ZNF445: variants seen among roughly 807,000 people sequenced by gnomAD.
The protein encoded by ZNF445 is zinc finger protein 168.
Under a neutral mutation model 93.9 loss-of-function variants are expected in ZNF445, and 19 were observed. That is an observed-to-expected ratio of 0.20 (90% confidence interval 0.14 to 0.30). The LOEUF (loss-of-function observed/expected upper bound fraction) is 0.30, where lower values mean the gene tolerates loss of function less well. ZNF445 is among the 10% of genes least tolerant of loss of function. The pLI is 1.00. For missense variants in ZNF445, 1,058 were observed against 1,259.4 expected, an observed-to-expected ratio of 0.84 and a Z score of 2.42; for synonymous variants, 449 against 446.3, an observed-to-expected ratio of 1.01 and a Z score of -0.08.
At chr3:44,473,674 T>TG (rs1698304514) in intron 1 of ZNF445, among the ~76,000 whole-genome samples, 1 of 147,862 alleles carries the variant, frequency 6.8e-6, no homozygotes, top group South Asian at 2.1e-4. Flanking sequence ...GATGCCAGGC[T>TG]GGGGAGGGAA....
chr3:44,470,308 G>A (rs1698250243), intron 1 of ZNF445, among the ~76,000 whole-genome samples: 1 of 152,186 alleles, frequency 6.6e-6, no homozygotes, highest in African/African-American at 2.4e-5. Context: ...TATGTGCTAA[G>A]TTTGAAAGCA....
chr3:44,450,767 G>A (rs1411978540), intron 5 of ZNF445, 101 bp downstream of exon 5: 30 of 1,292,110 alleles, frequency 2.3e-5, no homozygotes, highest in Non-Finnish European at 2.9e-5. Context: ...GTCTTTGGAT[G>A]TGAGATTACT....
rs1183720190 is a variant in ZNF445 at position 44,447,259 on chromosome 3, A to G, written c.2412T>C (p.Asn804=). ...ECGKAFRWSS[N]LYRHQRIHSL... is the part of the protein sequence containing the mutation. ...AGTGAATCCTCTGATGTCGGTAGAG[A>G]TTGGAACTCCATCTGAAGGCTTTCC... is the stretch of plus-strand genomic sequence containing the variant. The change falls in exon 8 of 8, where the codon AAT becomes AAC. Residue 804 remains asparagine, a synonymous_variant. Transcript: ENST00000396077. This position sits in a 1 kb window ranked among gnomAD's most constrained non-coding sequence, Gnocchi z 4.7. 2.5e-6 allele frequency: 4 copies of G among 1,614,046 alleles called. No individual in the cohort carries two copies. In the East Asian group the frequency reaches 8.9e-5, roughly 36 times the overall value.
rs1332169776 is a variant in ZNF445, at chr3:44,441,918, AAAC to A, written c.*4654_*4656del. 1 of 152,210 alleles carries A rather than the reference AAAC, an allele frequency of 6.6e-6. No individual in the cohort carries two copies. Among genetic ancestry groups the A allele is most frequent in the Non-Finnish European group, 1.5e-5 (1 of 68,042 alleles). The allele number at this position is 152,210 out of a possible 1,614,324, so 9.4% of individuals were successfully genotyped here. A position where few individuals can be genotyped will look rare whatever the true frequency, so the allele number is the denominator to read the frequency against. On this transcript the variant is annotated 3_prime_UTR_variant, in exon 8 of 8. Transcript: ENST00000396077. Reference sequence around the variant, plus strand: ...TCCACAGAAAATAGATTACTGTGCAAAACAATAACACTTTCTATATGTCCACAA... The same window carrying A: ...TCCACAGAAAATAGATTACTGTGCAAAATAACACTTTCTATATGTCCACAA...
rs1426874233 is a variant in ZNF445, at chr3:44,443,336, T to C, written c.*3239A>G. 3 of 152,356 alleles carry C rather than the reference T, an allele frequency of 2.0e-5. No homozygotes were observed. Among genetic ancestry groups the C allele is most frequent in the South Asian group, 2.1e-4 (1 of 4,830 alleles). The allele number at this position is 152,356 out of a possible 1,614,324, so 9.4% of individuals were successfully genotyped here. On this transcript the variant is annotated 3_prime_UTR_variant, in exon 8 of 8. Coordinates refer to ENST00000396077, the MANE Select transcript of ZNF445 (RefSeq NM_181489.6). The stretch of plus-strand genomic sequence containing the variant: ...AATATTTATATAATTATAGTACTTA[T>C]AGAACTAAAATTATTTGAAAACTCA...
chr3:44,451,397 G>A lies in ZNF445; in HGVS notation c.515C>T (p.Pro172Leu), dbSNP rs553770652. 6.2e-6 allele frequency: 10 copies of A among 1,614,194 alleles called. No individual in the cohort carries two copies. Among genetic ancestry groups the A allele is most frequent in the African/African-American group, 4.0e-5 (3 of 75,056 alleles). The stretch of plus-strand genomic sequence containing the variant: ...CCCCAGAGCAGAGCTGCTCCTGAGA[G>A]GTGAAGCAAGGGACCATATCTGTGC... Reference protein sequence around the residue: ...RSAQIWSLASPLRSSSALGDH... With the variant: ...RSAQIWSLASLLRSSSALGDH... Residue 172 changes from proline (P) to leucine (L), a missense_variant, in exon 4 of 8, where the codon CCT becomes CTT. Transcript: ENST00000396077.
rs139311917 is a variant in ZNF445, at chr3:44,448,652, C to A, written c.1019G>T (p.Cys340Phe). 422 of 1,614,210 alleles carry A rather than the reference C, an allele frequency of 2.6e-4. 1 individual carries two copies. The East Asian group carries it at 9.3e-3, about 36-fold the overall frequency. The part of the protein sequence containing the change: ...EAETLAVSSG[C>F]PATSVSEGIG... ...TCCCTCAGAAACACTTGTCGCAGGA[C>A]ATCCTGATGACACAGCTAAGGTTTC... The change falls in exon 8 of 8, where the codon TGT becomes TTT. Residue 340 changes from cysteine (C) to phenylalanine (F), a missense_variant. Cys to Phe is a radical substitution (Grantham distance 205). Around this residue, in one of 3 missense-constraint regions of ZNF445, gnomAD observed 657 missense variants for 746.4 expected, o/e 0.88. Transcript: ENST00000396077.
rs201341353 is a variant in ZNF445, at chr3:44,450,606, C to T, written c.694-33G>A. On this transcript the variant is annotated intron_variant, in intron 5 of 7. Transcript: ENST00000396077. ...AACACTGTGCCCTAGAGCTGGTCCA[C>T]AGCTCCCAGCTTTGAGGTGGAAAGG... 23 of 1,602,722 alleles carry T rather than the reference C, an allele frequency of 1.4e-5. No homozygotes were observed. In the African/African-American group the frequency reaches 2.5e-4, roughly 18 times the overall value.
Position 44,446,007 on chromosome 3 carries a change from T to G in ZNF445, c.*568A>C. On this transcript the variant is annotated 3_prime_UTR_variant, in exon 8 of 8. Transcript: ENST00000396077. The surrounding 1 kb of genome is among the most constrained non-coding windows in gnomAD (Gnocchi z 4.2). ...CAAGCGCTTGAGCCCAGCATCCTGC[T>G]CTCCTCCACCTGCCGCTGAGACCAC... 6.4e-6 allele frequency: 1 copy of G among 156,948 alleles called. No individual in the cohort carries two copies. The highest frequency in any genetic ancestry group is 1.4e-5 in the Non-Finnish European group (1 of 71,548). The allele number at this position is 156,948 out of a possible 1,614,324, so 9.7% of individuals were successfully genotyped here.
chr3:44,452,916 C>CTT lies in ZNF445; in HGVS notation c.430-1436_430-1435dup, dbSNP rs60163197. Among the ~76,000 whole-genome samples the CTT allele has an allele frequency of 3.3e-3, 443 of 134,304 alleles. 5 individuals carry two copies. Among genetic ancestry groups the CTT allele is most frequent in the South Asian group, 9.8e-3 (42 of 4,266 alleles). 88.1% of individuals were successfully genotyped at this position (134,304 alleles called of 152,430 possible). A position where few individuals can be genotyped will look rare whatever the true frequency, so the allele number is the denominator to read the frequency against. On this transcript the variant is annotated intron_variant, in intron 3 of 7. Coordinates refer to ENST00000396077, the MANE Select transcript of ZNF445 (RefSeq NM_181489.6). ...AGTATGTCAAATTTGTTTCAGAAAT[C>CTT]TTTTTTTTTTTTTTTTCGGACATAG... is the stretch of plus-strand genomic sequence containing the variant.
In ZNF445 at chr3:44,434,408, A is replaced by G. The variant is rs1348342451; in HGVS notation, c.*12167T>C. 6.8e-6 allele frequency: 1 copy of G among 147,766 alleles called. No individual in the cohort carries two copies. The highest frequency in any genetic ancestry group is 2.0e-4 in the East Asian group (1 of 5,076). The allele number at this position is 147,766 out of a possible 1,614,324, so 9.2% of individuals were successfully genotyped here. A position where few individuals can be genotyped will look rare whatever the true frequency, so the allele number is the denominator to read the frequency against. On this transcript the variant is annotated 3_prime_UTR_variant, in exon 8 of 8. Coordinates refer to ENST00000396077, the MANE Select transcript of ZNF445 (RefSeq NM_181489.6). ...AGCTACAGAGTGAGACTCTGTCTCA[A>G]AAAAGAAAAAAAAAAGAGAGAAAGA...
intron 1 of ZNF445, among the ~76,000 whole-genome samples, chr3:44,476,884 A>G (rs957261763): frequency 3.9e-5 from 6 of 152,154 alleles, no homozygotes; most frequent in African/African-American, 1.4e-4. Flanking sequence ...TAAACTGCAA[A>G]CACGATTTCT....
rs1164400496 is a variant in ZNF445, at chr3:44,446,324, G to A, written c.*251C>T. 4 of 518,756 alleles carry A rather than the reference G, an allele frequency of 7.7e-6. No individual in the cohort carries two copies. Among genetic ancestry groups the A allele is most frequent in the East Asian group, 3.5e-5 (1 of 28,194 alleles). 32.1% of individuals were successfully genotyped at this position (518,756 alleles called of 1,614,324 possible). On this transcript the variant is annotated 3_prime_UTR_variant, in exon 8 of 8. Coordinates refer to ENST00000396077, the MANE Select transcript of ZNF445 (RefSeq NM_181489.6). The surrounding 1 kb of genome is among the most constrained non-coding windows in gnomAD (Gnocchi z 4.2). ...GAATAGGGGAGCCGCAGGCTATGGT[G>A]CAGAGGCCACTCCTAGGGGCCGGAG... is the stretch of plus-strand genomic sequence containing the variant.
At chr3:44,473,488 C>CAA (rs1198791466) in intron 1 of ZNF445, among the ~76,000 whole-genome samples, 15 of 58,012 alleles carry the variant, frequency 2.6e-4, no homozygotes, top group African/African-American at 4.9e-4. Flanking sequence ...CACACACACA[C>CAA]ACAAAAAATG....
rs1411961052 is a variant in ZNF445, at chr3:44,432,029, G to A, written c.*14546C>T. ...ATTCTCCCATCTTAGCCTCCCAGCT[G>A]GGATTACAGGCATGAGCCACTGCAC... On this transcript the variant is annotated 3_prime_UTR_variant, in exon 8 of 8. Transcript: ENST00000396077. The A allele has an allele frequency of 6.6e-6, 1 of 152,128 alleles. No homozygotes were observed. The highest frequency in any genetic ancestry group is 2.1e-4 in the South Asian group (1 of 4,832). 9.4% of individuals were successfully genotyped at this position (152,128 alleles called of 1,614,324 possible).
chr3:44,457,585 G>A (rs1024420979), intron 2 of ZNF445, among the ~76,000 whole-genome samples: 2 of 152,288 alleles, frequency 1.3e-5, no homozygotes, highest in Admixed American at 1.3e-4. Context: ...TGATAAAGAT[G>A]CAAAAGCAGT....
chr3:44,443,202 G>C lies in ZNF445; in HGVS notation c.*3373C>G, dbSNP rs1218807443. 6.6e-6 allele frequency: 1 copy of C among 152,218 alleles called. No homozygotes were observed. Among genetic ancestry groups the C allele is most frequent in the Non-Finnish European group, 1.5e-5 (1 of 68,056 alleles). 9.4% of individuals were successfully genotyped at this position (152,218 alleles called of 1,614,324 possible). On this transcript the variant is annotated 3_prime_UTR_variant, in exon 8 of 8. Coordinates refer to ENST00000396077, the MANE Select transcript of ZNF445 (RefSeq NM_181489.6). ...GAACACTCTGGGGGGCTGGCATGGGGAAGGGACAGGAAAGCCAAATCCAAC... is the reference window on the plus strand; with the variant it reads ...GAACACTCTGGGGGGCTGGCATGGGCAAGGGACAGGAAAGCCAAATCCAAC...
In ZNF445 at chr3:44,440,316, T is replaced by C. The variant is rs1165325125; in HGVS notation, c.*6259A>G. The C allele has an allele frequency of 6.6e-6, 1 of 152,232 alleles. No homozygotes were observed. The highest frequency in any genetic ancestry group is 1.5e-5 in the Non-Finnish European group (1 of 68,034). The allele number at this position is 152,232 out of a possible 1,614,324, so 9.4% of individuals were successfully genotyped here. ...CAAGTATTTACTCTCCTTTTCCTCA[T>C]CTAATAAAGTAGAATGAAAAACATC... On this transcript the variant is annotated 3_prime_UTR_variant, in exon 8 of 8. Transcript: ENST00000396077.
chr3:44,451,438 T>G lies in ZNF445; in HGVS notation c.474A>C (p.Thr158=). ...AQSPDVHWMG[T]GALRSAQIWS... ...ATATCTGTGCAGATCGCAGGGCTCC[T>G]GTACCCATCCAATGCACATCTGGGC... is the stretch of plus-strand genomic sequence containing the variant. The change falls in exon 4 of 8, where the codon ACA becomes ACC. Residue 158 remains threonine (T), a synonymous_variant. Coordinates refer to ENST00000396077, the MANE Select transcript of ZNF445 (RefSeq NM_181489.6). The G allele has an allele frequency of 6.2e-7, 1 of 1,613,348 alleles. No individual in the cohort carries two copies. Among genetic ancestry groups the G allele is most frequent in the Non-Finnish European group, 8.5e-7 (1 of 1,179,472 alleles).
Sources: gnomAD v4.1 joint callset for allele counts (sites outside exome capture counted in the v4.1 genomes callset) on GRCh38, gnomAD v4.1.1 for gene constraint, gnomAD v4.1.1 regional missense constraint, Gnocchi (gnomAD v3.1) non-coding constraint, MANE v1.5 for transcripts, NCBI Gene and HGNC (gene_info 2026-07-23, HGNC 2026-07-21) for gene names.